NTRK1: variants seen among roughly 807,000 people sequenced by gnomAD.
NTRK1 encodes the protein neurotrophic receptor tyrosine kinase 1.
Under a neutral mutation model 86.8 loss-of-function variants are expected in NTRK1, and 62 were observed. The observed-to-expected ratio is 0.71, with a 90% CI of 0.58 to 0.88. The LOEUF is 0.88. NTRK1 is among the 40% of genes least tolerant of loss of function. The pLI, the probability that NTRK1 is intolerant of heterozygous loss-of-function variation, is 0.00. For synonymous variants in NTRK1, 469 were observed against 456.6 expected (o/e 1.03, Z -0.35); for missense variants, 967 against 1,078.4 (o/e 0.90, Z 1.45).
chr1:156,842,661 C>G (rs920672189), intron 2 of NTRK1, among the ~76,000 whole-genome samples: 2 of 152,196 alleles, frequency 1.3e-5, no homozygotes, highest in African/African-American at 4.8e-5. Context: ...TAACAATGAC[C>G]CTGACCCTAA....
At chr1:156,874,295 A>T in intron 8 of NTRK1, 88 bp from the exon 9 acceptor site, 1 of 1,570,594 alleles carries the variant, frequency 6.4e-7, no homozygotes, top group Non-Finnish European at 8.8e-7. Flanking sequence ...TGAGTCCCAG[A>T]GTAGGCAGGG....
rs149982000 is a variant in NTRK1 at position 156,836,934 on chromosome 1, G to A, written c.-63-5147G>A. On this transcript the variant is annotated intron_variant, in intron 1 of 16. Transcript: ENST00000392302. ...GATCTCCTGGCTTTGGAAAAGGGCA[G>A]ATATTTCAGAGTTAGGGAAATCCAG... Among the ~76,000 whole-genome samples, 743 of 152,314 alleles carry A rather than the reference G, an allele frequency of 4.9e-3. 2 individuals are homozygous for A. Among genetic ancestry groups the A allele is most frequent in the African/African-American group, 0.017 (720 of 41,556 alleles).
At chr1:156,855,137 T>A (rs1289086985) in intron 2 of NTRK1, among the ~76,000 whole-genome samples, 1 of 151,736 alleles carries the variant, frequency 6.6e-6, no homozygotes, top group Non-Finnish European at 1.5e-5. Flanking sequence ...TCTGGCCAAA[T>A]GTCCCCTTCT....
chr1:156,816,571 G>A lies in NTRK1; in HGVS notation c.-64+733G>A, dbSNP rs115123122. 665 of 1,273,982 alleles carry A rather than the reference G, an allele frequency of 5.2e-4. 4 individuals are homozygous for A. The African/African-American group carries it at 9.2e-3, about 18-fold the overall frequency. 78.9% of individuals were successfully genotyped at this position (1,273,982 alleles called of 1,614,324 possible). ...AGCTTTGCCAGCTCTGGCTTAGGGT[G>A]GGGCCCCTCATCCCTGAAGTGGGAG... is the stretch of plus-strand genomic sequence containing the variant. On this transcript the variant is annotated intron_variant, in intron 1 of 16. Transcript: ENST00000392302.
chr1:156,851,441 A>G (rs909749559), intron 2 of NTRK1: 2 of 1,614,054 alleles, frequency 1.2e-6, no homozygotes, highest in Admixed American at 3.3e-5. Context: ...TTGTCTAGGG[A>G]TGGGAAGACA....
rs746825886 is a variant in NTRK1 at position 156,864,750 on chromosome 1, C to T, written c.310C>T (p.Arg104Cys). 3 of 1,614,058 alleles carry T rather than the reference C, an allele frequency of 1.9e-6. No individual in the cohort carries two copies. Among genetic ancestry groups the T allele is most frequent in the South Asian group, 1.1e-5 (1 of 91,050 alleles). The change falls in exon 3 of 17, where the codon CGT (arginine) becomes TGT (cysteine). Residue 104 changes from arginine to cysteine, a missense_variant. Arg to Cys is a radical substitution (Grantham distance 180). This residue lies in a region of NTRK1 where 330 missense variants were observed against 302.0 expected (regional missense o/e 1.09). Coordinates refer to ENST00000524377, the MANE Select transcript of NTRK1 (RefSeq NM_002529.4). Reference sequence around the variant, plus strand: ...CAGCACCATCGTGAAGAGTGGTCTCCGTTTCGTGGCGCCAGATGCCTTCCA... The same window carrying T: ...CAGCACCATCGTGAAGAGTGGTCTCTGTTTCGTGGCGCCAGATGCCTTCCA... ...RNLTIVKSGL[R>C]FVAPDAFHFT...
Position 156,875,678 on chromosome 1 carries a change from T to C in NTRK1, c.1501+12T>C, listed in dbSNP as rs377453065. ...CTTCAGTGATGCCTGTGAGGGGCTA[T>C]GCTGGGTCAAGGGCAGGGACGAGTG... On this transcript the variant is annotated intron_variant, in intron 12 of 16. Transcript: ENST00000524377. 19 of 1,607,740 alleles carry C rather than the reference T, an allele frequency of 1.2e-5. No homozygotes were observed. The highest frequency in any genetic ancestry group is 1.4e-5 in the Non-Finnish European group (16 of 1,178,702).
intron 6 of NTRK1, among the ~76,000 whole-genome samples, chr1:156,868,983 A>G (rs1647353430): frequency 6.7e-6 from 1 of 150,234 alleles, no homozygotes; most frequent in Admixed American, 6.6e-5. Context: ...GAGGAACCCA[A>G]CAGACCATCC....
At chr1:156,848,390 T>C (rs544000893) in intron 2 of NTRK1, among the ~76,000 whole-genome samples, 70 of 152,338 alleles carry the variant, frequency 4.6e-4, no homozygotes, top group African/African-American at 1.6e-3. Flanking sequence ...TATCTCCTTT[T>C]GATTCCTAAC....
chr1:156,866,439 A>G (rs1250211785), intron 3 of NTRK1, among the ~76,000 whole-genome samples: 1 of 151,934 alleles, frequency 6.6e-6, no homozygotes, highest in African/African-American at 2.4e-5. Context: ...AAGGAGGAGG[A>G]GGAGGGGAGC....
Position 156,868,634 on chromosome 1 carries a change from C to G in NTRK1, c.704C>G (p.Ser235Ter), listed in dbSNP as rs1181350293. ...TGGATCCTCACAGAGCTGGAGCAGT[C>G]AGCCACGGTGATGGTGAGAAGACCT... ...AGWILTELEQ[S>*]ATVMKSGGLP... Residue 235 changes from serine (S) to a stop codon, truncating the protein, a stop_gained, in exon 6 of 17, where the codon TCA (serine) becomes TGA (stop). Coordinates refer to ENST00000524377, the MANE Select transcript of NTRK1 (RefSeq NM_002529.4). LOFTEE classifies it high-confidence loss of function. 1 of 1,550,930 alleles carries G rather than the reference C, an allele frequency of 6.4e-7. No homozygotes were observed. Among genetic ancestry groups the G allele is most frequent in the South Asian group, 1.2e-5 (1 of 84,056 alleles).
In NTRK1 at chr1:156,861,049, G is replaced by T. The variant is rs774550285; in HGVS notation, c.115G>T (p.Ala39Ser). ...TGCGGGCGCCGCACCCTGCCCCGAT[G>T]CCTGCTGCCCCCACGGCTCCTCGGG... Reference protein sequence around the residue: ...ASAGAAPCPDACCPHGSSGLR... With the variant: ...ASAGAAPCPDSCCPHGSSGLR... Residue 39 changes from alanine (A) to serine (S), a missense_variant, in exon 1 of 17, where the codon GCC becomes TCC. Ala to Ser is a moderately conservative substitution (Grantham distance 99). This residue lies in a region of NTRK1 where 330 missense variants were observed against 302.0 expected (regional missense o/e 1.09). Coordinates refer to ENST00000524377, the MANE Select transcript of NTRK1 (RefSeq NM_002529.4). The T allele has an allele frequency of 2.6e-6, 4 of 1,559,236 alleles. No homozygotes were observed. The African/African-American group carries it at 5.4e-5, about 21-fold the overall frequency.
At chr1:156,850,531 A>C (rs1298184224) in intron 2 of NTRK1, among the ~76,000 whole-genome samples, 1 of 97,020 alleles carries the variant, frequency 1.0e-5, no homozygotes, top group Non-Finnish European at 2.1e-5. Flanking sequence ...AATTTAAAAC[A>C]TTCTTTTTTT....
chr1:156,845,134 C>CGTG, intron 2 of NTRK1: 1 of 1,611,822 alleles, frequency 6.2e-7, no homozygotes, highest in Non-Finnish European at 8.5e-7. Flanking sequence ...CGGTGTGCGC[C>CGTG]GCGTGGTTGC....
intron 1 of NTRK1, among the ~76,000 whole-genome samples, chr1:156,833,158 A>G (rs748280763): frequency 3.3e-5 from 5 of 152,334 alleles, no homozygotes; most frequent in Non-Finnish European, 5.9e-5. Flanking sequence ...GCCATTTATT[A>G]GTTGTGGGAC....
chr1:156,842,251 C>A (rs1228357495), intron 2 of NTRK1: 22 of 1,614,012 alleles, frequency 1.4e-5, no homozygotes, highest in Non-Finnish European at 1.8e-5. Flanking sequence ...CCAATGCTGG[C>A]TGTGGGAGCC....
rs1456982232 is a variant in NTRK1 at position 156,842,223 on chromosome 1, C to T, written c.50+30C>T. The T allele has an allele frequency of 3.1e-6, 5 of 1,613,948 alleles. No homozygotes were observed. The African/African-American group carries it at 5.3e-5, about 17-fold the overall frequency. On this transcript the variant is annotated intron_variant, in intron 2 of 16. Transcript: ENST00000392302. The stretch of plus-strand genomic sequence containing the variant: ...GCCATGCCGTCTGCAATCTCACCAG[C>T]CATTTGGATCATTTCCCCCAATGCT...
intron 1 of NTRK1, among the ~76,000 whole-genome samples, chr1:156,831,812 G>T (rs1420578391): frequency 1.3e-5 from 2 of 152,238 alleles, no homozygotes; most frequent in African/African-American, 4.8e-5. Context: ...CTGAGTGCTG[G>T]AACTAGAGGG....
intron 3 of NTRK1, among the ~76,000 whole-genome samples, chr1:156,866,449 C>T (rs1655932684): frequency 6.6e-6 from 1 of 152,132 alleles, no homozygotes; most frequent in African/African-American, 2.4e-5. Flanking sequence ...AGGAGGGGAG[C>T]TGAGGAAGTG....
Sources: gnomAD v4.1 joint callset for allele counts (sites outside exome capture counted in the v4.1 genomes callset) on GRCh38, gnomAD v4.1.1 for gene constraint, gnomAD v4.1.1 regional missense constraint, MANE v1.5 for transcripts, NCBI Gene and HGNC (gene_info 2026-07-23, HGNC 2026-07-21) for gene names.